Variants in ATF6 observed in about 807,000 individuals in gnomAD.
ATF6 encodes the protein activating transcription factor 6, also known as cyclic AMP-dependent transcription factor ATF-6 alpha.
Under a neutral mutation model 83.6 loss-of-function variants are expected in ATF6, and 53 were observed. The observed-to-expected ratio is 0.63, with a 90% confidence interval of 0.51 to 0.80. ATF6 has a LOEUF of 0.80. Ranked by LOEUF, ATF6 falls within the 30% of genes least tolerant of loss-of-function variation. The pLI is 0.00. For synonymous variants in ATF6, 288 were observed against 285.8 expected (o/e 1.01, Z -0.08); for missense variants, 744 against 797.9 (o/e 0.93, Z 0.81).
chr1:161,903,824 A>G (rs1225366893), intron 14 of ATF6, among the ~76,000 whole-genome samples: 10 of 152,126 alleles, frequency 6.6e-5, no homozygotes, highest in Admixed American at 5.2e-4. Context: ...CATCCTTTTA[A>G]TCTCTGTCTG....
chr1:161,849,459 C>T lies in ATF6; in HGVS notation c.1320-2263C>T, dbSNP rs199600720. Among the ~76,000 whole-genome samples, 47 of 152,342 alleles carry T rather than the reference C, an allele frequency of 3.1e-4. No homozygotes were observed. In the East Asian group the frequency reaches 5.6e-3, roughly 18 times the overall value. On this transcript the variant is annotated intron_variant, in intron 10 of 15. Transcript: ENST00000367942. ...TTTAACTTGAAGTTAGCCTTCCACT[C>T]TGCCAGAGTTATTTCTGTTAAGGGG... is the stretch of plus-strand genomic sequence containing the variant.
At chr1:161,865,255 G>A (rs772374406) in intron 14 of ATF6, among the ~76,000 whole-genome samples, 1 of 151,946 alleles carries the variant, frequency 6.6e-6, no homozygotes, top group South Asian at 2.1e-4. Context: ...CACCTCCCAG[G>A]TTCAAGTGAT....
At chr1:161,788,060 G>A (rs917279245) in intron 4 of ATF6, among the ~76,000 whole-genome samples, 5 of 152,152 alleles carry the variant, frequency 3.3e-5, no homozygotes, top group African/African-American at 1.2e-4. Context: ...ACCCATGTGA[G>A]AAATCCTTTA....
At chr1:161,955,638 T>C (rs1176758960) in intron 15 of ATF6, among the ~76,000 whole-genome samples, 1 of 152,218 alleles carries the variant, frequency 6.6e-6, no homozygotes, top group African/African-American at 2.4e-5. Flanking sequence ...CTTTTTATAA[T>C]GTCTCATACA....
At chr1:161,940,735 T>C (rs916985313) in intron 15 of ATF6, among the ~76,000 whole-genome samples, 1 of 150,658 alleles carries the variant, frequency 6.6e-6, no homozygotes, top group Admixed American at 6.6e-5. Flanking sequence ...ATTTTTTTTG[T>C]TTTTTTTTAG....
At chr1:161,899,221 C>G (rs1687734648) in intron 14 of ATF6, among the ~76,000 whole-genome samples, 1 of 152,106 alleles carries the variant, frequency 6.6e-6, no homozygotes, top group Non-Finnish European at 1.5e-5. Flanking sequence ...TAAAGTACTC[C>G]AGGCAGTTCT....
chr1:161,895,389 A>AATATAG (rs1687651714), intron 14 of ATF6, among the ~76,000 whole-genome samples: 1 of 152,152 alleles, frequency 6.6e-6, no homozygotes, highest in East Asian at 1.9e-4. Context: ...TAAAGGATGC[A>AATATAG]TATATGTTTT....
At chr1:161,770,954 A>G (rs1249214054) in intron 1 of ATF6, among the ~76,000 whole-genome samples, 2 of 152,220 alleles carry the variant, frequency 1.3e-5, no homozygotes, top group Non-Finnish European at 2.9e-5. Context: ...CCCGCTAGCA[A>G]TGAATGAGCA....
chr1:161,884,703 C>A (rs990528235), intron 14 of ATF6, among the ~76,000 whole-genome samples: 1 of 152,076 alleles, frequency 6.6e-6, no homozygotes, highest in Non-Finnish European at 1.5e-5. Context: ...CCAGAGCCCA[C>A]ATTCTAGAGT....
chr1:161,955,387 G>T (rs1184726778), intron 15 of ATF6, among the ~76,000 whole-genome samples: 1 of 152,152 alleles, frequency 6.6e-6, no homozygotes, highest in African/African-American at 2.4e-5. Flanking sequence ...TAAAGTAAAG[G>T]GTAGCAGGAG....
intron 15 of ATF6, among the ~76,000 whole-genome samples, chr1:161,924,776 A>G (rs1327625458): frequency 1.3e-5 from 2 of 152,322 alleles, no homozygotes; most frequent in East Asian, 1.9e-4. Flanking sequence ...AATGTGATCT[A>G]CTTGGCATCA....
At chr1:161,803,247 A>G (rs1685199386) in intron 7 of ATF6, among the ~76,000 whole-genome samples, 1 of 152,240 alleles carries the variant, frequency 6.6e-6, no homozygotes, top group African/African-American at 2.4e-5. Context: ...AAATTGCTCC[A>G]CAGTTGCATA....
Position 161,960,716 on chromosome 1 carries a change from G to A in ATF6, c.*2062G>A, listed in dbSNP as rs1689080298. 1 of 152,228 alleles carries A rather than the reference G, an allele frequency of 6.6e-6. No homozygotes were observed. Among genetic ancestry groups the A allele is most frequent in the Non-Finnish European group, 1.5e-5 (1 of 68,070 alleles). The allele number at this position is 152,228 out of a possible 1,614,324, so 9.4% of individuals were successfully genotyped here. ...ATTTGGCTATCCTGGGTGATTTTCA[G>A]ACAAGAACCATTTTCTCTGGGGACC... On this transcript the variant is annotated 3_prime_UTR_variant, in exon 16 of 16. Transcript: ENST00000367942.
intron 4 of ATF6, among the ~76,000 whole-genome samples, chr1:161,791,086 C>CTCTGTG (rs1215895508): frequency 4.6e-5 from 4 of 86,226 alleles, no homozygotes. Context: ...GTGTGTGTCT[C>CTCTGTG]TGTGTGTGTG....
At chr1:161,825,252 G>A (rs1383937284) in intron 9 of ATF6, among the ~76,000 whole-genome samples, 1 of 152,114 alleles carries the variant, frequency 6.6e-6, no homozygotes, top group East Asian at 1.9e-4. Context: ...AAGTTGCTCA[G>A]GCTGGTCTTG....
At chr1:161,790,755 G>A (rs1224870519) in intron 4 of ATF6, among the ~76,000 whole-genome samples, 1 of 152,024 alleles carries the variant, frequency 6.6e-6, no homozygotes, top group Non-Finnish European at 1.5e-5. Flanking sequence ...AGGTTGCAGT[G>A]AGCTGAGATT....
chr1:161,838,992 A>G (rs1334080487), intron 9 of ATF6, among the ~76,000 whole-genome samples: 1 of 151,968 alleles, frequency 6.6e-6, no homozygotes, highest in Non-Finnish European at 1.5e-5. Flanking sequence ...AAAACTCCCC[A>G]TTTTTTCCTC....
intron 3 of ATF6, among the ~76,000 whole-genome samples, chr1:161,783,643 T>C (rs1684683941): frequency 1.3e-5 from 2 of 152,118 alleles, no homozygotes; most frequent in African/African-American, 2.4e-5. Context: ...CTCCTGCTTT[T>C]ATTCCTCAGC....
At chr1:161,790,809 TCAA>T (rs34420630) in intron 4 of ATF6, among the ~76,000 whole-genome samples, 90,856 of 149,630 alleles carry the variant, frequency 0.61, 27,891 homozygotes, top group Middle Eastern at 0.68. Context: ...AGACTCTGTC[TCAA>T]CAACAACAAC....
Sources: gnomAD v4.1 joint callset for allele counts (sites outside exome capture counted in the v4.1 genomes callset) on GRCh38, gnomAD v4.1.1 for gene constraint, MANE v1.5 for transcripts, NCBI Gene and HGNC (gene_info 2026-07-23, HGNC 2026-07-21) for gene names.